NFIA: variants seen among roughly 807,000 people sequenced by gnomAD.
NFIA encodes the protein nuclear factor 1 A-type.
NFIA carries 8 observed loss-of-function variants against 62.8 expected under a neutral mutation model. That is an observed-to-expected ratio of 0.13 (90% CI 0.07 to 0.23). The LOEUF (loss-of-function observed/expected upper bound fraction) is 0.23. Among genes scored for constraint, NFIA ranks in the 10% least tolerant of loss-of-function variants. NFIA has a pLI of 1.00. For missense variants in NFIA, 410 were observed against 642.1 expected (o/e 0.64, Z 3.91); for synonymous variants, 235 against 238.1 (o/e 0.99, Z 0.12).
Position 61,139,055 on chromosome 1 carries a change from G to A in NFIA, c.559+50375G>A, listed in dbSNP as rs961589907. On this transcript the variant is annotated intron_variant, in intron 2 of 10. Coordinates refer to ENST00000403491, the MANE Select transcript of NFIA (RefSeq NM_001134673.4). The stretch of plus-strand genomic sequence containing the variant: ...AAATACAAAAATTAACTGGGTGCCT[G>A]TAATCCCAGCTACTTGGGAGACTGA... 3.9e-5 allele frequency among the ~76,000 whole-genome samples: 6 copies of A among 152,082 alleles called. No homozygotes were observed. In the East Asian group the frequency reaches 5.9e-4, roughly 15 times the overall value.
chr1:61,195,150 C>T lies in NFIA; in HGVS notation c.560-82370C>T, dbSNP rs1293189206. 2.0e-5 allele frequency among the ~76,000 whole-genome samples: 3 copies of T among 152,194 alleles called. No homozygotes were observed. In the East Asian group the frequency reaches 5.8e-4, roughly 29 times the overall value. ...ATATTTTCATTAATTCTTATTTATT[C>T]GGCAGCATGAACAGTTGCAGGGATT... On this transcript the variant is annotated intron_variant, in intron 2 of 10. Transcript: ENST00000403491.
intron 2 of NFIA, among the ~76,000 whole-genome samples, chr1:61,111,393 A>G (rs1049684845): frequency 6.6e-6 from 1 of 152,298 alleles, no homozygotes; most frequent in East Asian, 1.9e-4. Flanking sequence ...AGAAAAAATT[A>G]TATCTCATGT....
rs71756240 is a variant in NFIA, at chr1:61,209,667, T to TACAACAACAACA, written c.560-67830_560-67819dup. Among the ~76,000 whole-genome samples, 101 of 147,988 alleles carry TACAACAACAACA rather than the reference T, an allele frequency of 6.8e-4. 1 individual carries two copies. Among genetic ancestry groups the TACAACAACAACA allele is most frequent in the African/African-American group, 2.2e-3 (86 of 39,882 alleles). On this transcript the variant is annotated intron_variant, in intron 2 of 10. Coordinates refer to ENST00000403491, the MANE Select transcript of NFIA (RefSeq NM_001134673.4). ...GGTGATACCCCATCTCTATGAAAAA[T>TACAACAACAACA]ACAACAACAACAACAACAACAACAA...
rs568467884 is a variant in NFIA at position 61,347,213 on chromosome 1, G to A, written c.701-5237G>A. 7.1e-5 allele frequency among the ~76,000 whole-genome samples: 8 copies of A among 111,892 alleles called. No homozygotes were observed. The East Asian group carries it at 1.2e-3, about 17-fold the overall frequency. The allele number at this position is 111,892 out of a possible 152,430, so 73.4% of individuals were successfully genotyped here. ...TTTTGAGATGGAGTCTTGCTCTGTCGCCCAGGCTAGAGTGCAGTGGCACGA... is the reference window on the plus strand; with the variant it reads ...TTTTGAGATGGAGTCTTGCTCTGTCACCCAGGCTAGAGTGCAGTGGCACGA... On this transcript the variant is annotated intron_variant, in intron 4 of 10. Coordinates refer to ENST00000403491, the MANE Select transcript of NFIA (RefSeq NM_001134673.4).
rs1438696567 is a variant in NFIA at position 61,152,215 on chromosome 1, C to T, written c.559+63535C>T. Among the ~76,000 whole-genome samples the T allele has an allele frequency of 2.0e-5, 3 of 152,124 alleles. No individual in the cohort carries two copies. The East Asian group carries it at 5.8e-4, about 29-fold the overall frequency. On this transcript the variant is annotated intron_variant, in intron 2 of 10. Transcript: ENST00000403491. ...ATGGTCTATCGATCATGAGATTAAT[C>T]GCCTGCCCAAAGAGGCAGCAGGTCT...
Position 61,245,478 on chromosome 1 carries a change from G to A in NFIA, c.560-32042G>A, listed in dbSNP as rs144777023. On this transcript the variant is annotated intron_variant, in intron 2 of 10. Transcript: ENST00000403491. ...GTTATAAAAATGATTTTAACACTTT[G>A]TTCACAAAATAAATTCTATTAATAA... 1.2e-4 allele frequency among the ~76,000 whole-genome samples: 19 copies of A among 152,070 alleles called. No homozygotes were observed. In the East Asian group the frequency reaches 3.7e-3, roughly 29 times the overall value.
At chr1:61,083,403 C>T (rs1368989283) in intron 1 of NFIA, among the ~76,000 whole-genome samples, 1 of 152,118 alleles carries the variant, frequency 6.6e-6, no homozygotes, top group Non-Finnish European at 1.5e-5. Context: ...CGAACTCTTA[C>T]TTTTGTTTAT....
intron 2 of NFIA, among the ~76,000 whole-genome samples, chr1:61,205,630 A>G (rs553351191): frequency 2.0e-5 from 3 of 152,292 alleles, no homozygotes; most frequent in East Asian, 3.9e-4. Flanking sequence ...TAGTGTTCCA[A>G]TAATGGAACA....
chr1:61,184,291 T>G (rs1650989685), intron 2 of NFIA, among the ~76,000 whole-genome samples: 1 of 152,186 alleles, frequency 6.6e-6, no homozygotes, highest in Non-Finnish European at 1.5e-5. Flanking sequence ...GGCGGCTGTA[T>G]TTACTCGGCC....
intron 4 of NFIA, among the ~76,000 whole-genome samples, chr1:61,341,257 G>T (rs1290360436): frequency 6.6e-6 from 1 of 151,622 alleles, no homozygotes; most frequent in African/African-American, 2.4e-5. Flanking sequence ...TAGAGACGGG[G>T]TTTCACCGTG....
rs558277869 is a variant in NFIA at position 61,359,735 on chromosome 1, C to T, written c.946+461C>T. On this transcript the variant is annotated intron_variant, in intron 6 of 10. Coordinates refer to ENST00000403491, the MANE Select transcript of NFIA (RefSeq NM_001134673.4). ...CTGGGATTACAGGCACCTGCCACCA[C>T]GCCTGGCTAATTTTTTGTATTTTTA... is the stretch of plus-strand genomic sequence containing the variant. Among the ~76,000 whole-genome samples, 30 of 152,102 alleles carry T rather than the reference C, an allele frequency of 2.0e-4. 1 individual carries two copies. The highest frequency in any genetic ancestry group is 6.7e-4 in the African/African-American group (28 of 41,492).
intron 2 of NFIA, among the ~76,000 whole-genome samples, chr1:61,250,403 G>C (rs920985217): frequency 6.6e-6 from 1 of 152,104 alleles, no homozygotes; most frequent in Non-Finnish European, 1.5e-5. Context: ...TTTTTGTTCT[G>C]CTCCCCAAGA....
intron 2 of NFIA, among the ~76,000 whole-genome samples, chr1:61,248,401 A>C (rs1655789957): frequency 6.6e-6 from 1 of 152,196 alleles, no homozygotes; most frequent in Non-Finnish European, 1.5e-5. Flanking sequence ...CACAGCCCTG[A>C]GAGGTAGGGT....
intron 4 of NFIA, 106 bp downstream of exon 4, chr1:61,332,692 A>G (rs576741521): frequency 7.3e-6 from 6 of 820,598 alleles, no homozygotes; most frequent in Non-Finnish European, 1.2e-5. Context: ...TCTCCTTTTC[A>G]TTCACCCATT....
intron 2 of NFIA, among the ~76,000 whole-genome samples, chr1:61,254,553 T>C (rs1656254918): frequency 1.3e-5 from 2 of 152,154 alleles, no homozygotes; most frequent in Admixed American, 1.3e-4. Flanking sequence ...GATTAGTACA[T>C]AGAACAGTTA....
chr1:61,164,584 C>T (rs1001370117), intron 2 of NFIA, among the ~76,000 whole-genome samples: 1 of 152,062 alleles, frequency 6.6e-6, no homozygotes, highest in East Asian at 1.9e-4. Context: ...CTCAGCCTCC[C>T]GAGTAGCTGG....
At chr1:61,435,878 A>AGT (rs764345897) in intron 10 of NFIA, among the ~76,000 whole-genome samples, 3 of 152,150 alleles carry the variant, frequency 2.0e-5, no homozygotes, top group Non-Finnish European at 4.4e-5. Context: ...CAACTCCAGT[A>AGT]GTTGCACTTG....
At chr1:61,136,781 C>G (rs566518685) in intron 2 of NFIA, among the ~76,000 whole-genome samples, 6 of 152,274 alleles carry the variant, frequency 3.9e-5, no homozygotes, top group Admixed American at 2.6e-4. Flanking sequence ...CTAGCAACTT[C>G]CCCTACTAGT....
intron 2 of NFIA, among the ~76,000 whole-genome samples, chr1:61,160,360 G>C (rs376782669): frequency 6.6e-6 from 1 of 152,192 alleles, no homozygotes; most frequent in Admixed American, 6.5e-5. Flanking sequence ...ATGCAGTCCA[G>C]CAATCTGATT....
Sources: gnomAD v4.1 joint callset for allele counts (sites outside exome capture counted in the v4.1 genomes callset) on GRCh38, gnomAD v4.1.1 for gene constraint, MANE v1.5 for transcripts, NCBI Gene and HGNC (gene_info 2026-07-23, HGNC 2026-07-21) for gene names.